LRRC19: variants seen among roughly 807,000 people sequenced by gnomAD.
LRRC19 encodes leucine-rich repeat-containing protein 19.
In LRRC19, 33 loss-of-function variants were observed where a neutral mutation model predicts 33.3. That is an observed-to-expected ratio of 0.99 (90% CI 0.75 to 1.33). LRRC19 has a LOEUF of 1.33. Among genes scored for constraint, LRRC19 ranks in the 40% most tolerant of loss-of-function variants. The pLI, the probability that LRRC19 is intolerant of heterozygous loss-of-function variation, is 0.00. For missense variants in LRRC19, 463 were observed against 417.3 expected, an observed-to-expected ratio of 1.11 and a Z score of -0.95; for synonymous variants, 184 against 152.3, an observed-to-expected ratio of 1.21 and a Z score of -1.53.
Position 26,995,475 on chromosome 9 carries a change from T to C in LRRC19, c.*46A>G, listed in dbSNP as rs1828095443. On this transcript the variant is annotated 3_prime_UTR_variant, in exon 5 of 5. Transcript: ENST00000380055. Reference sequence around the variant, plus strand: ...CATAGCAAAATCTCCATATCTAAACTGAGTGAGCTGATAACTTTGCTTTAA... The same window carrying C: ...CATAGCAAAATCTCCATATCTAAACCGAGTGAGCTGATAACTTTGCTTTAA... 1 of 1,132,596 alleles carries C rather than the reference T, an allele frequency of 8.8e-7. No individual in the cohort carries two copies. The highest frequency in any genetic ancestry group is 2.6e-5 in the East Asian group (1 of 38,836). The allele number at this position is 1,132,596 out of a possible 1,614,324, so 70.2% of individuals were successfully genotyped here.
chr9:27,001,065 T>C (rs1453176142), intron 1 of LRRC19, among the ~76,000 whole-genome samples: 1 of 152,196 alleles, frequency 6.6e-6, no homozygotes, highest in Non-Finnish European at 1.5e-5. Flanking sequence ...TATTTGTCTT[T>C]CTGTGCTTGG....
chr9:27,004,468 A>C (rs1397413481), intron 1 of LRRC19, among the ~76,000 whole-genome samples: 1 of 152,246 alleles, frequency 6.6e-6, no homozygotes, highest in Non-Finnish European at 1.5e-5. Context: ...CAGAGGAGAA[A>C]GATTGAAAGA....
chr9:27,005,352 T>TCCCCCG (rs1491163144), intron 1 of LRRC19, among the ~76,000 whole-genome samples: 10 of 18,944 alleles, frequency 5.3e-4, no homozygotes, highest in East Asian at 4.8e-3. Context: ...TGAAACCATT[T>TCCCCCG]CCCCCCCCGC....
Position 26,995,848 on chromosome 9 carries a change from T to C in LRRC19, c.786A>G (p.Glu262=). Residue 262 remains glutamate, a splice_region_variant and synonymous_variant, in exon 5 of 5, where the codon GAA becomes GAG. Coordinates refer to ENST00000380055, the MANE Select transcript of LRRC19 (RefSeq NM_022901.3). ...CCCAACTTTTTCCAAGAGGTTCATG[T>C]TCTTTAATGGAATACCAAGAGAGGA... The part of the protein sequence containing the change: ...SSSNNLTRNS[E]HEPLGKSWAF... 1 of 1,598,518 alleles carries C rather than the reference T, an allele frequency of 6.3e-7. No homozygotes were observed.
chr9:27,003,119 A>G (rs1828586757), intron 1 of LRRC19, among the ~76,000 whole-genome samples: 1 of 151,912 alleles, frequency 6.6e-6, no homozygotes, highest in East Asian at 1.9e-4. Flanking sequence ...AATTCTACCA[A>G]TTTTTATATG....
At chr9:27,002,807 T>G (rs940817655) in intron 1 of LRRC19, among the ~76,000 whole-genome samples, 1 of 152,234 alleles carries the variant, frequency 6.6e-6, no homozygotes, top group African/African-American at 2.4e-5. Context: ...TTTAGGATTT[T>G]TTTTTCTACT....
intron 3 of LRRC19, among the ~76,000 whole-genome samples, 184 bp from the exon 4 acceptor site, chr9:26,996,683 A>C (rs1029614422): frequency 2.0e-5 from 3 of 152,174 alleles, no homozygotes; most frequent in African/African-American, 7.2e-5. Flanking sequence ...TTATTTTATA[A>C]ATATGGCTTA....
intron 3 of LRRC19, among the ~76,000 whole-genome samples, chr9:26,997,156 G>A (rs570718454): frequency 1.3e-5 from 2 of 151,266 alleles, no homozygotes; most frequent in African/African-American, 4.9e-5. Context: ...AGGTTGTGGT[G>A]AGCTGAGATC....
At chr9:27,005,493 C>T (rs1179860648) in intron 1 of LRRC19, 99 bp downstream of exon 1, 1 of 151,456 alleles carries the variant, frequency 6.6e-6, no homozygotes, top group Non-Finnish European at 1.5e-5. Context: ...TATTTTTCAT[C>T]ACTTCTTAAA....
chr9:27,004,399 G>A (rs1407202307), intron 1 of LRRC19, among the ~76,000 whole-genome samples: 5 of 152,190 alleles, frequency 3.3e-5, no homozygotes, highest in Admixed American at 3.3e-4. Context: ...CTGAAGCTGT[G>A]AAATACATTG....
chr9:27,004,485 G>C (rs539601116), intron 1 of LRRC19, among the ~76,000 whole-genome samples: 2 of 152,188 alleles, frequency 1.3e-5, no homozygotes, highest in East Asian at 3.8e-4. Context: ...AAGAGGGGGT[G>C]ATGTCGATTA....
At position 26,995,747 on chromosome 9, in the gene LRRC19, C is replaced by G. The variant is rs147515301; in HGVS notation, c.887G>C (p.Trp296Ser). Residue 296 changes from tryptophan (W) to serine (S), a missense_variant, in exon 5 of 5, where the codon TGG (tryptophan) becomes TCG (serine). Coordinates refer to ENST00000380055, the MANE Select transcript of LRRC19 (RefSeq NM_022901.3). ...ATTATAACTAAGCAGAATATTGTACCATATTGGGCATTTGATAGCAATAAA... is the reference window on the plus strand; with the variant it reads ...ATTATAACTAAGCAGAATATTGTACGATATTGGGCATTTGATAGCAATAAA... ...LIFIAIKCPI[W>S]YNILLSYNHH... is the part of the protein sequence containing the mutation. The G allele has an allele frequency of 6.7e-5, 108 of 1,613,576 alleles. No homozygotes were observed. The highest frequency in any genetic ancestry group is 9.1e-5 in the Non-Finnish European group (107 of 1,179,852).
At chr9:27,004,478 AG>A (rs1367149243) in intron 1 of LRRC19, among the ~76,000 whole-genome samples, 1 of 152,234 alleles carries the variant, frequency 6.6e-6, no homozygotes, top group Non-Finnish European at 1.5e-5. Context: ...AGATTGAAAG[AG>A]GGGGTGATGT....
rs368942683 is a variant in LRRC19 at position 26,997,945 on chromosome 9, T to C, written c.378A>G (p.Leu126=). 4.3e-6 allele frequency: 7 copies of C among 1,613,872 alleles called. No homozygotes were observed. In the African/African-American group the frequency reaches 8.0e-5, roughly 18 times the overall value. Residue 126 remains leucine (L), a synonymous_variant, in exon 3 of 5, where the codon TTA becomes TTG. Coordinates refer to ENST00000380055, the MANE Select transcript of LRRC19 (RefSeq NM_022901.3). Reference sequence around the variant, plus strand: ...GTTCTATTTTGTTTTGGCAGAGATATAACTGTTTTAGTTTATTTAAGCCTA... The same window carrying C: ...GTTCTATTTTGTTTTGGCAGAGATACAACTGTTTTAGTTTATTTAAGCCTA... The part of the protein sequence containing the change: ...AFLGLNKLKQ[L]YLCQNKIEQL...
At chr9:26,997,626 G>A (rs533474690) in intron 3 of LRRC19, 102 bp downstream of exon 3, 23 of 1,257,076 alleles carry the variant, frequency 1.8e-5, no homozygotes, top group Admixed American at 1.1e-4. Context: ...GAGCCACTGC[G>A]CCTGGCTGCT....
intron 1 of LRRC19, among the ~76,000 whole-genome samples, chr9:27,001,585 CTTGT>C (rs921654650): frequency 6.6e-6 from 1 of 151,340 alleles, no homozygotes; most frequent in African/African-American, 2.4e-5. Flanking sequence ...TTTCCACATA[CTTGT>C]TTGTCTTTTG....
chr9:27,004,508 G>A (rs1189056551), intron 1 of LRRC19, among the ~76,000 whole-genome samples: 1 of 152,182 alleles, frequency 6.6e-6, no homozygotes, highest in African/African-American at 2.4e-5. Flanking sequence ...ATGACACTGA[G>A]TAAGTCCCCA....
At position 26,995,573 on chromosome 9, in the gene LRRC19, CCAT is replaced by C; in HGVS notation, c.1058_1060del (p.Asp353del). On this transcript the variant is annotated inframe_deletion, in exon 5 of 5. Coordinates refer to ENST00000380055, the MANE Select transcript of LRRC19 (RefSeq NM_022901.3). ...ATCTATATATTTGTCTTCAATAAAT[CCAT>C]CATCATCTACCACAAATGAATGTAA... is the stretch of plus-strand genomic sequence containing the variant. 6.3e-7 allele frequency: 1 copy of C among 1,598,200 alleles called. No homozygotes were observed. Among genetic ancestry groups the C allele is most frequent in the Non-Finnish European group, 8.6e-7 (1 of 1,166,708 alleles).
At chr9:26,999,763 G>A (rs1306842216) in intron 1 of LRRC19, 60 bp from the exon 2 acceptor site, 3 of 477,052 alleles carry the variant, frequency 6.3e-6, no homozygotes, top group African/African-American at 2.5e-5. Flanking sequence ...TTTTGAATCT[G>A]TTTATTCTTT....
Sources: allele counts gnomAD v4.1 joint callset (sites outside exome capture counted in the v4.1 genomes callset), GRCh38; gene constraint gnomAD v4.1.1; transcripts MANE v1.5; gene names NCBI Gene and HGNC (gene_info 2026-07-23, HGNC 2026-07-21).